EPHA3: variants seen among roughly 807,000 people sequenced by gnomAD.
EPHA3 encodes EPH receptor A3, also known as ephrin type-A receptor 3.
A neutral mutation model predicts 107.1 loss-of-function variants in EPHA3; 42 were observed. The ratio of observed to expected loss-of-function variants is 0.39; its 90% CI spans 0.31 to 0.51. EPHA3 has a LOEUF of 0.51. Among genes scored for constraint, EPHA3 ranks in the 20% least tolerant of loss-of-function variants. The pLI, the probability that EPHA3 is intolerant of heterozygous loss-of-function variation, is 0.78. For missense variants in EPHA3, 1,183 were observed against 1,211.2 expected, an observed-to-expected ratio of 0.98 and a Z score of 0.35; for synonymous variants, 461 against 424.8, an observed-to-expected ratio of 1.09 and a Z score of -1.05.
chr3:89,339,157 G>T (rs1244006617), intron 3 of EPHA3, among the ~76,000 whole-genome samples: 2 of 152,134 alleles, frequency 1.3e-5, no homozygotes. Context: ...CGGATCACAA[G>T]GTCAGGAGGT....
intron 2 of EPHA3, among the ~76,000 whole-genome samples, chr3:89,172,630 T>C (rs1275932185): frequency 6.6e-6 from 1 of 152,136 alleles, no homozygotes; most frequent in Non-Finnish European, 1.5e-5. Context: ...ATATGCAAAA[T>C]AACTGGAAAA....
At chr3:89,138,163 T>C (rs1357242247) in intron 2 of EPHA3, among the ~76,000 whole-genome samples, 3 of 151,856 alleles carry the variant, frequency 2.0e-5, no homozygotes, top group African/African-American at 7.3e-5. Context: ...TTAATATAAC[T>C]GTTGATATTT....
chr3:89,358,446 G>A (rs1368625450), intron 5 of EPHA3, among the ~76,000 whole-genome samples: 2 of 151,170 alleles, frequency 1.3e-5, no homozygotes, highest in East Asian at 3.9e-4. Flanking sequence ...CATTGACTAA[G>A]CCCTTAGTAT....
At chr3:89,439,920 A>G (rs1709751792) in intron 13 of EPHA3, among the ~76,000 whole-genome samples, 1 of 152,196 alleles carries the variant, frequency 6.6e-6, no homozygotes, top group Non-Finnish European at 1.5e-5. Context: ...GTTAGCCATT[A>G]TAATAATTTG....
chr3:89,258,663 A>G (rs1705342943), intron 3 of EPHA3, among the ~76,000 whole-genome samples: 1 of 152,210 alleles, frequency 6.6e-6, no homozygotes, highest in South Asian at 2.1e-4. Flanking sequence ...ATAGATTTGA[A>G]TTAAGTACGA....
At chr3:89,186,737 T>C (rs1705577163) in intron 2 of EPHA3, among the ~76,000 whole-genome samples, 1 of 152,108 alleles carries the variant, frequency 6.6e-6, no homozygotes, top group Admixed American at 6.6e-5. Context: ...CCACAGTACA[T>C]TCAGTGTTTA....
At position 89,313,920 on chromosome 3, in the gene EPHA3, C is replaced by A. The variant is rs13063496; in HGVS notation, c.815-26996C>A. Among the ~76,000 whole-genome samples the A allele has an allele frequency of 5.8e-3, 877 of 151,914 alleles. 5 individuals are homozygous for A. Among genetic ancestry groups the A allele is most frequent in the Middle Eastern group, 0.017 (5 of 294 alleles). On this transcript the variant is annotated intron_variant, in intron 3 of 16. Transcript: ENST00000336596. ...AGGTATATATTTTTTATAAAGTAAA[C>A]TATTCTTTTAAGAATTTAAAATTTG...
chr3:89,401,612 CTCTT>C (rs1194640256), intron 7 of EPHA3, among the ~76,000 whole-genome samples: 5 of 151,622 alleles, frequency 3.3e-5, no homozygotes, highest in Non-Finnish European at 5.9e-5. Context: ...TTCTCAAAAT[CTCTT>C]TCTTTTTTTG....
intron 3 of EPHA3, among the ~76,000 whole-genome samples, chr3:89,266,509 C>T (rs890919566): frequency 1.3e-5 from 2 of 152,058 alleles, no homozygotes; most frequent in Non-Finnish European, 2.9e-5. Flanking sequence ...AATCAGTGAA[C>T]TTCAATTACT....
At chr3:89,198,374 G>C (rs2107154757) in intron 2 of EPHA3, among the ~76,000 whole-genome samples, 1 of 152,142 alleles carries the variant, frequency 6.6e-6, no homozygotes, top group East Asian at 1.9e-4. Context: ...CCATTTTACA[G>C]ATGTGTAAAT....
chr3:89,217,397 G>T (rs111657964), intron 3 of EPHA3, among the ~76,000 whole-genome samples: 18 of 151,390 alleles, frequency 1.2e-4, no homozygotes, highest in African/African-American at 4.1e-4. Flanking sequence ...ATCCAGGGTC[G>T]TTAAAAAAAC....
chr3:89,409,758 C>A (rs978770760), intron 9 of EPHA3, among the ~76,000 whole-genome samples: 1 of 152,026 alleles, frequency 6.6e-6, no homozygotes, highest in African/African-American at 2.4e-5. Flanking sequence ...TAGCTACGAA[C>A]TGTTCCCTAC....
intron 2 of EPHA3, among the ~76,000 whole-genome samples, chr3:89,183,823 G>C (rs935229108): frequency 2.6e-5 from 4 of 151,782 alleles, no homozygotes; most frequent in African/African-American, 9.7e-5. Flanking sequence ...ATATACTGCT[G>C]TCTTATCTGA....
intron 7 of EPHA3, among the ~76,000 whole-genome samples, chr3:89,401,195 C>A (rs79538626): frequency 0.015 from 2,254 of 152,306 alleles, 40 homozygotes; most frequent in African/African-American, 0.051. Flanking sequence ...TTATGGCACA[C>A]TTTCTGTCGG....
At chr3:89,444,287 T>C (rs1709838438) in intron 13 of EPHA3, among the ~76,000 whole-genome samples, 1 of 152,164 alleles carries the variant, frequency 6.6e-6, no homozygotes, top group Non-Finnish European at 1.5e-5. Context: ...GAAACTACAA[T>C]GAAGAATTTA....
intron 3 of EPHA3, among the ~76,000 whole-genome samples, chr3:89,309,218 G>C (rs1706706363): frequency 1.3e-5 from 2 of 152,086 alleles, no homozygotes; most frequent in Admixed American, 1.3e-4. Flanking sequence ...ATGGGTATAA[G>C]AAAGTAGAAA....
chr3:89,239,368 T>C (rs1304395848), intron 3 of EPHA3, among the ~76,000 whole-genome samples: 2 of 152,168 alleles, frequency 1.3e-5, no homozygotes, highest in Non-Finnish European at 2.9e-5. Context: ...ATAATTTGGA[T>C]AATTCCTCTA....
intron 2 of EPHA3, among the ~76,000 whole-genome samples, chr3:89,133,596 G>A (rs1704250872): frequency 6.6e-6 from 1 of 152,178 alleles, no homozygotes; most frequent in South Asian, 2.1e-4. Flanking sequence ...CGAGAGGTCA[G>A]GTGAATATGG....
At chr3:89,206,245 A>G (rs1198691077) in intron 2 of EPHA3, among the ~76,000 whole-genome samples, 2 of 152,164 alleles carry the variant, frequency 1.3e-5, no homozygotes, top group Non-Finnish European at 2.9e-5. Context: ...GTTTTCAAGG[A>G]CTTGTGGTAT....
Sources: gnomAD v4.1 joint callset for allele counts (sites outside exome capture counted in the v4.1 genomes callset) on GRCh38, gnomAD v4.1.1 for gene constraint, MANE v1.5 for transcripts, NCBI Gene and HGNC (gene_info 2026-07-23, HGNC 2026-07-21) for gene names.